DAB1: variants seen among roughly 807,000 people sequenced by gnomAD.
DAB1 encodes disabled homolog 1.
In DAB1, 15 loss-of-function variants were observed where a neutral mutation model predicts 64.6. The observed-to-expected ratio is 0.23, with a 90% CI of 0.16 to 0.36. The LOEUF is 0.36. Among genes scored for constraint, DAB1 ranks in the 10% least tolerant of loss-of-function variants. DAB1 has a pLI of 1.00. For synonymous variants in DAB1, 235 were observed against 251.9 expected, an observed-to-expected ratio of 0.93 and a Z score of 0.64; for missense variants, 596 against 706.7, an observed-to-expected ratio of 0.84 and a Z score of 1.78.
chr1:57,885,620 A>C (rs1644210215), upstream of DAB1, among the ~76,000 whole-genome samples: 1 of 152,196 alleles, frequency 6.6e-6, no homozygotes, highest in Non-Finnish European at 1.5e-5. Context: ...CATTAACAAA[A>C]TATGTTCTTA....
At chr1:57,708,582 T>C (rs1336313456) in intron 6 of DAB1, among the ~76,000 whole-genome samples, 1 of 152,186 alleles carries the variant, frequency 6.6e-6, no homozygotes, top group East Asian at 1.9e-4. Flanking sequence ...CCACTTCAGT[T>C]AGTCAGTGGT....
intron 4 of DAB1, among the ~76,000 whole-genome samples, chr1:57,106,915 C>A (rs563191022): frequency 1.3e-5 from 2 of 152,006 alleles, no homozygotes. Context: ...ACAGATGAAG[C>A]AATAGCTACA....
intron 7 of DAB1, among the ~76,000 whole-genome samples, chr1:57,442,854 A>G (rs944909033): frequency 1.3e-5 from 2 of 152,218 alleles, no homozygotes; most frequent in Non-Finnish European, 2.9e-5. Context: ...AGGATTTTGA[A>G]CATTTGGGGG....
chr1:58,298,853 T>A lies in DAB1; in HGVS notation n.309+44499A>T, dbSNP rs575564580. Among the ~76,000 whole-genome samples, 14 of 152,326 alleles carry A rather than the reference T, an allele frequency of 9.2e-5. 1 individual carries two copies. The highest frequency in any genetic ancestry group is 3.4e-4 in the African/African-American group (14 of 41,560). ...GGGCTCCCAGACCCTTCCAAATTTA[T>A]CCTTCTTTGTAGCACCTCTAATTAC... is the stretch of plus-strand genomic sequence containing the variant. On this transcript the variant is annotated intron_variant and non_coding_transcript_variant, in intron 4 of 20. Transcript: ENST00000485760.
chr1:57,816,263 C>T (rs1211384867), intron 6 of DAB1, among the ~76,000 whole-genome samples: 3 of 152,190 alleles, frequency 2.0e-5, no homozygotes, highest in Admixed American at 2.0e-4. Context: ...AACTAGGTGA[C>T]CTCTAAGGTT....
intron 5 of DAB1, among the ~76,000 whole-genome samples, chr1:57,896,213 G>A (rs10889075): frequency 0.26 from 39,555 of 152,046 alleles, 5,754 homozygotes; most frequent in Non-Finnish European, 0.32. Flanking sequence ...TCAACCAAGG[G>A]TGATATTATC....
chr1:58,121,588 GC>G (rs917548538), intron 5 of DAB1, among the ~76,000 whole-genome samples: 1 of 152,036 alleles, frequency 6.6e-6, no homozygotes, highest in South Asian at 2.1e-4. Flanking sequence ...AGTTCTGCCA[GC>G]ATGAGGATCA....
intron 7 of DAB1, among the ~76,000 whole-genome samples, chr1:57,608,376 C>T (rs144553288): frequency 8.0e-4 from 121 of 151,880 alleles, no homozygotes; most frequent in Non-Finnish European, 1.2e-3. Context: ...AACCAACATG[C>T]TGTGAAGATA....
At chr1:58,078,498 T>G (rs753458563) in intron 5 of DAB1, among the ~76,000 whole-genome samples, 2 of 152,074 alleles carry the variant, frequency 1.3e-5, no homozygotes, top group Non-Finnish European at 2.9e-5. Context: ...AGTTAAAGAG[T>G]TTTTTTACCT....
chr1:57,884,186 T>A (rs1163456444), upstream of DAB1: 1 of 152,268 alleles, frequency 6.6e-6, no homozygotes, highest in Non-Finnish European at 1.5e-5. Flanking sequence ...ACGATGTCAA[T>A]TTTGAAGGCA....
intron 9 of DAB1, among the ~76,000 whole-genome samples, chr1:57,029,317 T>C (rs1406683728): frequency 1.3e-5 from 2 of 152,108 alleles, no homozygotes; most frequent in Non-Finnish European, 2.9e-5. Flanking sequence ...AGATTTAAGA[T>C]GATGTATGGA....
At chr1:57,322,699 A>C (rs1489550368) in intron 1 of DAB1, among the ~76,000 whole-genome samples, 2 of 152,220 alleles carry the variant, frequency 1.3e-5, no homozygotes, top group African/African-American at 4.8e-5. Context: ...ATTAAATCTC[A>C]GCATACACAA....
chr1:57,053,402 C>T (rs1649387368), intron 9 of DAB1, among the ~76,000 whole-genome samples: 1 of 151,902 alleles, frequency 6.6e-6, no homozygotes, highest in Non-Finnish European at 1.5e-5. Flanking sequence ...CATGTATTAC[C>T]ATGCCCGGCT....
chr1:57,048,977 C>T (rs946164289), intron 9 of DAB1, among the ~76,000 whole-genome samples: 3 of 152,152 alleles, frequency 2.0e-5, no homozygotes, highest in Non-Finnish European at 4.4e-5. Context: ...GATTTAACAG[C>T]GAGTCTTTTA....
chr1:57,425,900 AG>A (rs1267518896), upstream of DAB1, among the ~76,000 whole-genome samples: 1 of 152,212 alleles, frequency 6.6e-6, no homozygotes, highest in African/African-American at 2.4e-5. Flanking sequence ...CAGGCTTACC[AG>A]GCAACTCAAT....
intron 3 of DAB1, among the ~76,000 whole-genome samples, chr1:58,359,940 A>T (rs1644148894): frequency 6.6e-6 from 1 of 152,134 alleles, no homozygotes; most frequent in Non-Finnish European, 1.5e-5. Context: ...TCCTTCCTCG[A>T]GCTTCAGCTT....
chr1:57,512,852 A>T (rs1256273943), intron 7 of DAB1, among the ~76,000 whole-genome samples: 1 of 152,118 alleles, frequency 6.6e-6, no homozygotes, highest in East Asian at 1.9e-4. Context: ...TCATGAGAGG[A>T]AGGAGCCCAC....
At chr1:57,995,613 G>A (rs1203277191) in intron 5 of DAB1, among the ~76,000 whole-genome samples, 1 of 152,130 alleles carries the variant, frequency 6.6e-6, no homozygotes, top group Non-Finnish European at 1.5e-5. Context: ...GTATTAAAGT[G>A]ACACAGAATA....
intron 3 of DAB1, among the ~76,000 whole-genome samples, chr1:58,404,710 G>A (rs1644600197): frequency 6.6e-6 from 1 of 152,190 alleles, no homozygotes; most frequent in Non-Finnish European, 1.5e-5. Flanking sequence ...TTCAAATGGT[G>A]TGTATGATGG....
Sources: gnomAD v4.1 joint callset for allele counts (sites outside exome capture counted in the v4.1 genomes callset) on GRCh38, gnomAD v4.1.1 for gene constraint, MANE v1.5 for transcripts, NCBI Gene and HGNC (gene_info 2026-07-23, HGNC 2026-07-21) for gene names.